Variants in TMEM132D observed in about 807,000 individuals in gnomAD.
TMEM132D encodes the protein transmembrane protein 132D.
A neutral mutation model predicts 62.3 loss-of-function variants in TMEM132D; 21 were observed. The observed-to-expected ratio is 0.34, with a 90% CI of 0.24 to 0.49. TMEM132D has a LOEUF of 0.49. Among genes scored for constraint, TMEM132D ranks in the 20% least tolerant of loss-of-function variants. The pLI is 0.99. For missense variants in TMEM132D, 1,346 were observed against 1,402.8 expected (o/e 0.96, Z 0.65); for synonymous variants, 621 against 575.6 (o/e 1.08, Z -1.13).
chr12:129,770,955 A>G (rs993854291), intron 1 of TMEM132D, among the ~76,000 whole-genome samples: 1 of 152,188 alleles, frequency 6.6e-6, no homozygotes, highest in Non-Finnish European at 1.5e-5. Flanking sequence ...GTGTTTAGTT[A>G]AATACTCGTA....
chr12:129,319,666 G>C (rs78251261), intron 4 of TMEM132D, among the ~76,000 whole-genome samples: 1 of 152,188 alleles, frequency 6.6e-6, no homozygotes, highest in African/African-American at 2.4e-5. Flanking sequence ...GGGATGTGTA[G>C]ATAAGAAGAA....
At chr12:129,420,959 T>C (rs1872302388) in intron 3 of TMEM132D, among the ~76,000 whole-genome samples, 1 of 146,178 alleles carries the variant, frequency 6.8e-6, no homozygotes, top group Non-Finnish European at 1.5e-5. Context: ...TTGGTAGATC[T>C]ACCTTTTTTT....
intron 3 of TMEM132D, among the ~76,000 whole-genome samples, chr12:129,520,573 T>C (rs1043047058): frequency 1.3e-5 from 2 of 150,178 alleles, no homozygotes; most frequent in Admixed American, 6.6e-5. Flanking sequence ...AAGTTTGATG[T>C]AGACACGATA....
intron 3 of TMEM132D, among the ~76,000 whole-genome samples, chr12:129,493,802 T>C (rs1367441356): frequency 3.9e-5 from 6 of 152,326 alleles, no homozygotes; most frequent in East Asian, 3.9e-4. Flanking sequence ...CTTCAGAGCA[T>C]GAATTCTTCA....
chr12:129,254,319 C>T (rs183625358), intron 4 of TMEM132D, among the ~76,000 whole-genome samples: 44 of 152,294 alleles, frequency 2.9e-4, no homozygotes, highest in African/African-American at 9.6e-4. Flanking sequence ...ATATCACATG[C>T]GTGCCCAAAT....
chr12:129,662,328 T>C (rs1202821053), intron 2 of TMEM132D, among the ~76,000 whole-genome samples: 1 of 152,218 alleles, frequency 6.6e-6, no homozygotes, highest in African/African-American at 2.4e-5. Context: ...AGGAACCTTC[T>C]ATTACCTGTT....
At chr12:129,246,778 A>AG (rs1284990007) in intron 4 of TMEM132D, among the ~76,000 whole-genome samples, 10 of 149,656 alleles carry the variant, frequency 6.7e-5, no homozygotes, top group Non-Finnish European at 1.0e-4. Context: ...AAAAAAAAAA[A>AG]AGATAGAAAG....
At chr12:129,849,348 TA>T (rs143337468) in intron 1 of TMEM132D, among the ~76,000 whole-genome samples, 1,870 of 152,260 alleles carry the variant, frequency 0.012, 40 homozygotes, top group African/African-American at 0.042. Context: ...AATACAAGCA[TA>T]AACCATACTT....
intron 1 of TMEM132D, among the ~76,000 whole-genome samples, chr12:129,836,548 G>C (rs983906496): frequency 6.6e-6 from 1 of 152,006 alleles, no homozygotes; most frequent in Non-Finnish European, 1.5e-5. Context: ...CGAATACTGA[G>C]AGAATGTCAT....
chr12:129,337,433 A>ACG (rs1566037407), intron 4 of TMEM132D, among the ~76,000 whole-genome samples: 1 of 109,348 alleles, frequency 9.1e-6, no homozygotes, highest in Non-Finnish European at 1.9e-5. Flanking sequence ...AGATATAGAT[A>ACG]CACACACGCA....
At chr12:129,084,043 G>C (rs1427682369) in intron 6 of TMEM132D, among the ~76,000 whole-genome samples, 1 of 152,194 alleles carries the variant, frequency 6.6e-6, no homozygotes, top group Non-Finnish European at 1.5e-5. Flanking sequence ...GGGAACATCT[G>C]CTGCCTCCTC....
At chr12:129,741,620 A>G (rs1229405313) in intron 1 of TMEM132D, among the ~76,000 whole-genome samples, 1 of 152,180 alleles carries the variant, frequency 6.6e-6, no homozygotes. Context: ...GGAAGAAGTG[A>G]CCTCACTGCA....
intron 2 of TMEM132D, among the ~76,000 whole-genome samples, chr12:129,692,060 T>C (rs1021554986): frequency 6.6e-6 from 1 of 152,050 alleles, no homozygotes; most frequent in African/African-American, 2.4e-5. Flanking sequence ...ACACACTCTC[T>C]CCGAGCAAGC....
chr12:129,193,102 G>C (rs1426566328), intron 5 of TMEM132D, among the ~76,000 whole-genome samples: 1 of 149,242 alleles, frequency 6.7e-6, no homozygotes, highest in Non-Finnish European at 1.5e-5. Context: ...AGCTTGCAGT[G>C]AGCCGAGATC....
At chr12:129,230,555 GCT>G (rs1879611609) in intron 4 of TMEM132D, among the ~76,000 whole-genome samples, 2 of 152,244 alleles carry the variant, frequency 1.3e-5, no homozygotes, top group Admixed American at 1.3e-4. Context: ...CAGCAAAGCA[GCT>G]CTGTTTTCGG....
chr12:129,665,489 G>A (rs655354), intron 2 of TMEM132D, among the ~76,000 whole-genome samples: 114,846 of 151,494 alleles, frequency 0.76, 43,946 homozygotes, highest in East Asian at 0.84. Context: ...AAACTAGGAA[G>A]CAGAGGGCTT....
At chr12:129,842,170 G>T (rs1372665675) in intron 1 of TMEM132D, among the ~76,000 whole-genome samples, 1 of 138,558 alleles carries the variant, frequency 7.2e-6, no homozygotes, top group Non-Finnish European at 1.5e-5. Flanking sequence ...GGATGGTCTC[G>T]ATCTCCTGAC....
intron 3 of TMEM132D, among the ~76,000 whole-genome samples, chr12:129,508,588 T>G (rs1484008): frequency 0.55 from 82,878 of 151,926 alleles, 22,998 homozygotes; most frequent in East Asian, 0.59. Flanking sequence ...TAGGAAAATT[T>G]CTTCGTTTCT....
At chr12:129,149,563 G>C (rs561031973) in intron 5 of TMEM132D, among the ~76,000 whole-genome samples, 1 of 152,198 alleles carries the variant, frequency 6.6e-6, no homozygotes, top group Non-Finnish European at 1.5e-5. Flanking sequence ...TATTCTGTCC[G>C]TCTCCAGTGT....
Sources: allele counts gnomAD v4.1 joint callset (sites outside exome capture counted in the v4.1 genomes callset), GRCh38; gene constraint gnomAD v4.1.1; transcripts MANE v1.5; gene names NCBI Gene and HGNC (gene_info 2026-07-23, HGNC 2026-07-21).